IL1RAP: variants seen among roughly 807,000 people sequenced by gnomAD.
IL1RAP encodes interleukin-1 receptor accessory protein.
IL1RAP carries 35 observed loss-of-function variants against 60.7 expected under a neutral mutation model. That is an observed-to-expected ratio of 0.58 (90% confidence interval 0.44 to 0.76). IL1RAP has a LOEUF of 0.76. IL1RAP is among the 30% of genes least tolerant of loss of function. The pLI is 0.00. For missense variants in IL1RAP, 572 were observed against 693.9 expected, an observed-to-expected ratio of 0.82 and a Z score of 1.97; for synonymous variants, 268 against 250.9, an observed-to-expected ratio of 1.07 and a Z score of -0.64.
chr3:190,652,157 T>A (rs960929990), downstream of IL1RAP, among the ~76,000 whole-genome samples: 1 of 152,018 alleles, frequency 6.6e-6, no homozygotes, highest in Admixed American at 6.6e-5. Flanking sequence ...CAGGGATGCC[T>A]TTTTGCTTTA....
At chr3:190,522,002 G>T (rs1009739284) in intron 1 of IL1RAP, among the ~76,000 whole-genome samples, 1 of 152,086 alleles carries the variant, frequency 6.6e-6, no homozygotes, top group East Asian at 1.9e-4. Flanking sequence ...CACAGAAGAG[G>T]CTTGACTCTC....
At chr3:190,567,145 G>A (rs1301949785) in intron 3 of IL1RAP, among the ~76,000 whole-genome samples, 1 of 152,142 alleles carries the variant, frequency 6.6e-6, no homozygotes, top group African/African-American at 2.4e-5. Context: ...GCAGTGAACT[G>A]GCCGTGAAGT....
chr3:190,621,555 T>C (rs1343098498), intron 6 of IL1RAP, among the ~76,000 whole-genome samples: 3 of 152,230 alleles, frequency 2.0e-5, no homozygotes, highest in Non-Finnish European at 4.4e-5. Context: ...GCATACTTTG[T>C]CACTCTGATT....
In IL1RAP at chr3:190,558,303, C is replaced by T. The variant is rs1424875243; in HGVS notation, c.-2+2087C>T. On this transcript the variant is annotated intron_variant, in intron 2 of 11. Coordinates refer to ENST00000447382, the MANE Select transcript of IL1RAP (RefSeq NM_002182.4). The stretch of plus-strand genomic sequence containing the variant: ...TTTTCATTTCCCTTGGACAAATATC[C>T]AAGAGTGAGATTACTGGGTTGTATG... Among the ~76,000 whole-genome samples the T allele has an allele frequency of 3.3e-5, 5 of 152,110 alleles. 1 individual carries two copies. In the South Asian group the frequency reaches 1.0e-3, roughly 32 times the overall value.
In IL1RAP at chr3:190,650,768, C is replaced by T; in HGVS notation, c.*2063C>T. ...AAACCACAATTACTCCCTCTATTAACCCTTCACTTACTAGACCAGAAAAGA... is the reference window on the plus strand; with the variant it reads ...AAACCACAATTACTCCCTCTATTAATCCTTCACTTACTAGACCAGAAAAGA... On this transcript the variant is annotated 3_prime_UTR_variant, in exon 12 of 12. Coordinates refer to ENST00000447382, the MANE Select transcript of IL1RAP (RefSeq NM_002182.4). The T allele has an allele frequency of 4.1e-6, 4 of 982,460 alleles. No individual in the cohort carries two copies. The highest frequency in any genetic ancestry group is 4.8e-6 in the Non-Finnish European group (4 of 827,272). 60.9% of individuals were successfully genotyped at this position (982,460 alleles called of 1,614,324 possible). A position where few individuals can be genotyped will look rare whatever the true frequency, so the allele number is the denominator to read the frequency against.
At position 190,649,482 on chromosome 3, in the gene IL1RAP, C is replaced by T; in HGVS notation, c.*777C>T. 10 of 985,760 alleles carry T rather than the reference C, an allele frequency of 1.0e-5. No homozygotes were observed. Among genetic ancestry groups the T allele is most frequent in the Non-Finnish European group, 1.2e-5 (10 of 829,900 alleles). 61.1% of individuals were successfully genotyped at this position (985,760 alleles called of 1,614,324 possible). ...GCTCATTTAGAGTTTGCAGGAGGCT[C>T]CATACTAGGTTCAGTCTGAAAGAAA... is the stretch of plus-strand genomic sequence containing the variant. On this transcript the variant is annotated 3_prime_UTR_variant, in exon 12 of 12. Coordinates refer to ENST00000447382, the MANE Select transcript of IL1RAP (RefSeq NM_002182.4).
intron 3 of IL1RAP, among the ~76,000 whole-genome samples, chr3:190,588,901 A>G (rs1026357980): frequency 1.2e-4 from 18 of 152,216 alleles, no homozygotes; most frequent in African/African-American, 3.4e-4. Flanking sequence ...AAAGATTGAT[A>G]TAAGTCCAGT....
chr3:190,658,337 G>T (rs1734682044), exon 12 of IL1RAP: 2 of 152,182 alleles, frequency 1.3e-5, no homozygotes, highest in Admixed American at 1.3e-4. Context: ...GAATTTTAGT[G>T]TCCCTGATAA....
intron 1 of IL1RAP, among the ~76,000 whole-genome samples, chr3:190,539,415 G>A (rs1490092914): frequency 6.6e-6 from 1 of 152,060 alleles, no homozygotes; most frequent in East Asian, 1.9e-4. Context: ...TTTCTATCTT[G>A]TGATACAGAT....
rs372781611 is a variant in IL1RAP at position 190,568,002 on chromosome 3, G to T, written c.64+3649G>T. The stretch of plus-strand genomic sequence containing the variant: ...GGAGTAGACATAAATTTTGGAACCT[G>T]TGATCCCAAGTTGAGGAGGTAATAA... On this transcript the variant is annotated intron_variant, in intron 3 of 11. Coordinates refer to ENST00000447382, the MANE Select transcript of IL1RAP (RefSeq NM_002182.4). Among the ~76,000 whole-genome samples the T allele has an allele frequency of 8.5e-5, 13 of 152,242 alleles. 1 individual carries two copies. The highest frequency in any genetic ancestry group is 3.1e-4 in the African/African-American group (13 of 41,554).
At position 190,648,355 on chromosome 3, in the gene IL1RAP, T is replaced by C. The variant is rs34698427; in HGVS notation, c.1363T>C (p.Leu455=). Residue 455 remains leucine, a synonymous_variant, in exon 12 of 12, where the codon TTG becomes CTG. Transcript: ENST00000447382. ...LPGGIVTDET[L]SFIQKSRRLL... ...TTTCCCAGTTGTCACAGATGAGACT[T>C]TGAGCTTCATTCAGAAAAGCAGACG... 12,340 of 1,592,992 alleles carry C rather than the reference T, an allele frequency of 7.7e-3. 420 individuals are homozygous for C. In the African/African-American group the frequency reaches 0.092, roughly 12 times the overall value.
chr3:190,529,289 G>A (rs747063322), intron 1 of IL1RAP, among the ~76,000 whole-genome samples: 2 of 152,082 alleles, frequency 1.3e-5, no homozygotes, highest in Non-Finnish European at 2.9e-5. Context: ...TGTAATCCCC[G>A]CACTTTGGGA....
intron 3 of IL1RAP, 38 bp from the exon 4 acceptor site, chr3:190,604,090 A>T (rs1560205236): frequency 6.3e-7 from 1 of 1,585,994 alleles, no homozygotes; most frequent in South Asian, 1.1e-5. Context: ...TTGTAAAATG[A>T]CTCATCTGCC....
intron 1 of IL1RAP, 90 bp downstream of exon 1, chr3:190,514,309 C>G (rs1451719650): frequency 6.6e-6 from 1 of 152,294 alleles, no homozygotes; most frequent in African/African-American, 2.4e-5. Flanking sequence ...TCGTTAAACC[C>G]TCCTACTTTA....
chr3:190,571,670 A>G (rs1366700750), intron 3 of IL1RAP, among the ~76,000 whole-genome samples: 2 of 152,214 alleles, frequency 1.3e-5, no homozygotes, highest in Non-Finnish European at 2.9e-5. Flanking sequence ...TAACATATGT[A>G]TTACCTAACA....
intron 1 of IL1RAP, among the ~76,000 whole-genome samples, chr3:190,539,651 T>C (rs1358165224): frequency 2.0e-5 from 3 of 151,186 alleles, no homozygotes; most frequent in Non-Finnish European, 4.4e-5. Context: ...GTATAATTAA[T>C]AAAATTACAG....
intron 7 of IL1RAP, 136 bp downstream of exon 7, chr3:190,623,551 A>T: frequency 1.4e-6 from 1 of 739,808 alleles, no homozygotes; most frequent in Non-Finnish European, 2.3e-6. Context: ...GTCAGAAACC[A>T]AAGCAGCTGT....
chr3:190,580,813 A>G (rs558510468), intron 3 of IL1RAP, among the ~76,000 whole-genome samples: 2 of 152,356 alleles, frequency 1.3e-5, no homozygotes, highest in African/African-American at 4.8e-5. Context: ...TATCACTAAA[A>G]TAATTAATAC....
At chr3:190,584,478 C>T (rs73060171) in intron 3 of IL1RAP, among the ~76,000 whole-genome samples, 10,823 of 152,244 alleles carry the variant, frequency 0.071, 432 homozygotes, top group Non-Finnish European at 0.079. Context: ...TCTGTATTCC[C>T]GTCTTCAATG....
Sources: allele counts gnomAD v4.1 joint callset (sites outside exome capture counted in the v4.1 genomes callset), GRCh38; gene constraint gnomAD v4.1.1; transcripts MANE v1.5; gene names NCBI Gene and HGNC (gene_info 2026-07-23, HGNC 2026-07-21).